KLHL3: variants seen among roughly 807,000 people sequenced by gnomAD.
KLHL3 encodes the protein kelch like family member 3, also known as kelch-like protein 3.
A neutral mutation model predicts 70.5 loss-of-function variants in KLHL3; 19 were observed. The observed-to-expected ratio is 0.27, with a 90% CI of 0.19 to 0.40. The LOEUF is 0.40. Ranked by LOEUF, KLHL3 falls within the 10% of genes least tolerant of loss-of-function variation. KLHL3 has a pLI of 1.00. For synonymous variants in KLHL3, 258 were observed against 290.3 expected (o/e 0.89, Z 1.13); for missense variants, 512 against 771.1 (o/e 0.66, Z 3.98).
chr5:137,682,547 TC>T (rs1431416598), intron 5 of KLHL3, among the ~76,000 whole-genome samples: 2 of 152,062 alleles, frequency 1.3e-5, no homozygotes, highest in Non-Finnish European at 2.9e-5. Context: ...TAGGTTCAAA[TC>T]TCAGACCTAA....
intron 5 of KLHL3, among the ~76,000 whole-genome samples, chr5:137,688,648 G>A (rs1752246835): frequency 6.6e-6 from 1 of 152,224 alleles, no homozygotes; most frequent in Non-Finnish European, 1.5e-5. Flanking sequence ...GCTGTAGAAT[G>A]TAATAAACAC....
At chr5:137,709,631 C>A in intron 3 of KLHL3, 119 bp downstream of exon 3, 1 of 765,796 alleles carries the variant, frequency 1.3e-6, no homozygotes, top group South Asian at 1.6e-5. Flanking sequence ...GTAGAGAAGC[C>A]CCTCATAGTG....
At chr5:137,649,639 A>G (rs1055977496) in intron 8 of KLHL3, among the ~76,000 whole-genome samples, 5 of 152,264 alleles carry the variant, frequency 3.3e-5, no homozygotes, top group African/African-American at 1.2e-4. Context: ...GGTAATTTGT[A>G]ATGCAGAAAT....
chr5:137,705,014 C>T (rs922556459), intron 3 of KLHL3, among the ~76,000 whole-genome samples: 1 of 152,178 alleles, frequency 6.6e-6, no homozygotes, highest in South Asian at 2.1e-4. Context: ...ATCCCTTTTT[C>T]TCTGAACTAT....
At chr5:137,668,347 G>A (rs181659887) in intron 6 of KLHL3, among the ~76,000 whole-genome samples, 328 of 152,290 alleles carry the variant, frequency 2.2e-3, no homozygotes, top group African/African-American at 7.0e-3. Context: ...GGAGGCGGAC[G>A]TTGCAGTGAG....
In KLHL3 at chr5:137,701,546, C is replaced by A. The variant is rs149853065; in HGVS notation, c.242-3138G>T. ...TCTGAGGACAAGTTAGTACTTAATA[C>A]CTAGCAAAGAACCAAGCGGCTTATC... is the stretch of plus-strand genomic sequence containing the variant. On this transcript the variant is annotated intron_variant, in intron 3 of 14. Transcript: ENST00000309755. Among the ~76,000 whole-genome samples the A allele has an allele frequency of 2.7e-4, 41 of 152,262 alleles. No individual in the cohort carries two copies. The East Asian group carries it at 7.7e-3, about 29-fold the overall frequency.
intron 6 of KLHL3, among the ~76,000 whole-genome samples, chr5:137,675,374 G>A (rs1305799022): frequency 6.6e-6 from 1 of 152,088 alleles, no homozygotes; most frequent in African/African-American, 2.4e-5. Flanking sequence ...TGGCAAAATT[G>A]GTGCCATTAT....
chr5:137,706,417 C>A (rs924723798), intron 3 of KLHL3: 41 of 981,270 alleles, frequency 4.2e-5, no homozygotes, highest in Non-Finnish European at 4.8e-5. Context: ...AGCCAATGGG[C>A]CTTAAAAATA....
chr5:137,618,135 C>G lies in KLHL3; in HGVS notation c.*3963G>C, dbSNP rs573302765. On this transcript the variant is annotated 3_prime_UTR_variant, in exon 15 of 15. Coordinates refer to ENST00000309755, the MANE Select transcript of KLHL3 (RefSeq NM_017415.3). The stretch of plus-strand genomic sequence containing the variant: ...CTTGGTCAGTAGAAACACAGCACAG[C>G]TGAACATGAGGGGCTTAGGACTCTA... 6 of 152,652 alleles carry G rather than the reference C, an allele frequency of 3.9e-5. No individual in the cohort carries two copies. In the South Asian group the frequency reaches 1.2e-3, roughly 32 times the overall value. The allele number at this position is 152,652 out of a possible 1,614,324, so 9.5% of individuals were successfully genotyped here.
At chr5:137,673,602 T>TA (rs970693322) in intron 6 of KLHL3, 35 of 152,186 alleles carry the variant, frequency 2.3e-4, no homozygotes, top group Admixed American at 1.5e-3. Flanking sequence ...TATCTGTCCT[T>TA]ACTCTCTAGA....
intron 1 of KLHL3, among the ~76,000 whole-genome samples, chr5:137,729,471 A>G (rs928866655): frequency 2.0e-5 from 3 of 152,184 alleles, no homozygotes; most frequent in South Asian, 2.1e-4. Context: ...AAATACTCCA[A>G]TGCCATAACT....
In KLHL3 at chr5:137,639,001, C is replaced by A; in HGVS notation, c.1171G>T (p.Val391Leu). The A allele has an allele frequency of 1.2e-6, 2 of 1,614,198 alleles. No homozygotes were observed. The highest frequency in any genetic ancestry group is 1.7e-6 in the Non-Finnish European group (2 of 1,180,032). ...QERRSTLGAA[V>L]LNDLLYAVGG... Reference sequence around the variant, plus strand: ...ACTGCGTAGAGCAAGTCATTGAGCACCGCTGCGCCCAGTGTGCTCCGGCGC... The same window carrying A: ...ACTGCGTAGAGCAAGTCATTGAGCAACGCTGCGCCCAGTGTGCTCCGGCGC... The change falls in exon 10 of 15, where the codon GTG becomes TTG. Residue 391 changes from valine (V) to leucine (L), a missense_variant. By Grantham distance (32) the Val-to-Leu change is conservative. Coordinates refer to ENST00000309755, the MANE Select transcript of KLHL3 (RefSeq NM_017415.3). The surrounding 1 kb of genome is among the most constrained non-coding windows in gnomAD (Gnocchi z 5.0).
At chr5:137,642,456 T>C (rs1378867307) in intron 8 of KLHL3, among the ~76,000 whole-genome samples, 1 of 152,242 alleles carries the variant, frequency 6.6e-6, no homozygotes, top group Non-Finnish European at 1.5e-5. Flanking sequence ...TTCTGCATTG[T>C]GCTGGACCAT....
Position 137,628,414 on chromosome 5 carries a change from G to A in KLHL3, c.1474C>T (p.Leu492=). Residue 492 remains leucine, a synonymous_variant, in exon 13 of 15, where the codon CTG becomes TTG. Transcript: ENST00000309755. ...GAGVGVLSGQ[L]YATGGHDGPL... ...CCATCATGCCCACCTGTGGCGTACA[G>A]CTGTCCGCTAAGCACTCCAACCCCT... The A allele has an allele frequency of 3.1e-6, 5 of 1,614,152 alleles. No homozygotes were observed. The highest frequency in any genetic ancestry group is 4.2e-6 in the Non-Finnish European group (5 of 1,180,044).
rs1259743794 is a variant in KLHL3, at chr5:137,618,732, G to C, written c.*3366C>G. 1.3e-5 allele frequency: 2 copies of C among 150,296 alleles called. No individual in the cohort carries two copies. The highest frequency in any genetic ancestry group is 4.9e-5 in the African/African-American group (2 of 40,606). The allele number at this position is 150,296 out of a possible 1,614,324, so 9.3% of individuals were successfully genotyped here. On this transcript the variant is annotated 3_prime_UTR_variant, in exon 15 of 15. Transcript: ENST00000309755. ...AGTGGGAGCCACCACGAGACAGCCC[G>C]GCCTCACCCCCACAGAAAGCAGACT...
intron 3 of KLHL3, chr5:137,706,240 T>C: frequency 1.0e-6 from 1 of 985,448 alleles, no homozygotes; most frequent in Non-Finnish European, 1.2e-6. Context: ...TATTTTACTT[T>C]CCTTTTGGCT....
At chr5:137,631,749 A>C (rs191141555) in intron 12 of KLHL3, among the ~76,000 whole-genome samples, 2 of 152,256 alleles carry the variant, frequency 1.3e-5, no homozygotes, top group African/African-American at 4.8e-5. Context: ...TTGTTAGGAC[A>C]GTGCCTGGCA....
intron 2 of KLHL3, among the ~76,000 whole-genome samples, chr5:137,719,319 T>C (rs989505596): frequency 5.9e-5 from 9 of 152,264 alleles, no homozygotes; most frequent in Non-Finnish European, 1.0e-4. Context: ...TCTGGGCATC[T>C]TTGGTGAATC....
intron 1 of KLHL3, among the ~76,000 whole-genome samples, chr5:137,727,898 A>G (rs771430783): frequency 5.9e-5 from 9 of 152,152 alleles, no homozygotes. Context: ...ACATTTGCCA[A>G]TTTCCAGACT....
Sources: gnomAD v4.1 joint callset for allele counts (sites outside exome capture counted in the v4.1 genomes callset) on GRCh38, gnomAD v4.1.1 for gene constraint, Gnocchi (gnomAD v3.1) non-coding constraint, MANE v1.5 for transcripts, NCBI Gene and HGNC (gene_info 2026-07-23, HGNC 2026-07-21) for gene names.